The following MAP2K1 variants were observed in gnomAD, a reference collection of about 807,000 sequenced individuals.
The protein encoded by MAP2K1 is dual specificity mitogen-activated protein kinase kinase 1.
MAP2K1 carries 16 observed loss-of-function variants against 46.3 expected under a neutral mutation model. The observed-to-expected ratio is 0.35, with a 90% CI of 0.23 to 0.52. The LOEUF is 0.52. Ranked by LOEUF, MAP2K1 falls within the 20% of genes least tolerant of loss-of-function variation. The pLI is 0.94. For synonymous variants in MAP2K1, 183 were observed against 185.6 expected (o/e 0.99, Z 0.11); for missense variants, 263 against 497.1 (o/e 0.53, Z 4.48).
intron 6 of MAP2K1, among the ~76,000 whole-genome samples, chr15:66,483,771 G>A (rs1192652915): frequency 7.0e-5 from 9 of 128,512 alleles, no homozygotes; most frequent in Non-Finnish European, 1.4e-4. Flanking sequence ...TTTTTGAGAC[G>A]GAGTCTCACT....
chr15:66,401,637 GA>G (rs2093381894), intron 1 of MAP2K1, among the ~76,000 whole-genome samples: 1 of 152,024 alleles, frequency 6.6e-6, no homozygotes, highest in African/African-American at 2.4e-5. Context: ...CAAGAAGGAG[GA>G]AACAATGGCT....
intron 3 of MAP2K1, among the ~76,000 whole-genome samples, chr15:66,439,401 G>A (rs953910945): frequency 6.6e-6 from 1 of 152,226 alleles, no homozygotes; most frequent in South Asian, 2.1e-4. Flanking sequence ...GGAGGCTGAA[G>A]TGAGCGAATC....
At chr15:66,390,006 G>A (rs2140515134) in intron 1 of MAP2K1, among the ~76,000 whole-genome samples, 1 of 152,320 alleles carries the variant, frequency 6.6e-6, no homozygotes, top group East Asian at 1.9e-4. Context: ...TTCCAAAGCT[G>A]TTGGCTGCTG....
At chr15:66,432,853 G>A (rs1165065262) in intron 1 of MAP2K1, among the ~76,000 whole-genome samples, 1 of 152,118 alleles carries the variant, frequency 6.6e-6, no homozygotes, top group Non-Finnish European at 1.5e-5. Flanking sequence ...AGGGGTTGTG[G>A]ATTAAATGAC....
At chr15:66,394,011 C>G (rs1430724554) in intron 1 of MAP2K1, among the ~76,000 whole-genome samples, 1 of 152,170 alleles carries the variant, frequency 6.6e-6, no homozygotes, top group African/African-American at 2.4e-5. Context: ...TTCTGCCACC[C>G]CAAGTGTAAG....
intron 1 of MAP2K1, among the ~76,000 whole-genome samples, chr15:66,426,360 CAA>C (rs35788598): frequency 7.2e-6 from 1 of 138,504 alleles, no homozygotes. Flanking sequence ...ATCAAGAAGA[CAA>C]AAAAAAAAAA....
chr15:66,486,828 C>T (rs899772319), intron 7 of MAP2K1, among the ~76,000 whole-genome samples: 5 of 152,088 alleles, frequency 3.3e-5, no homozygotes, highest in African/African-American at 1.2e-4. Flanking sequence ...TGAGGCTCGC[C>T]AGTGACTCTA....
At chr15:66,490,133 A>G (rs1268370196) in intron 10 of MAP2K1, 8 of 511,464 alleles carry the variant, frequency 1.6e-5, no homozygotes, top group South Asian at 1.0e-4. Context: ...GGCAGTGGAA[A>G]TAGCTAAGTA....
At chr15:66,432,888 G>A (rs2093478209) in intron 1 of MAP2K1, among the ~76,000 whole-genome samples, 1 of 151,928 alleles carries the variant, frequency 6.6e-6, no homozygotes, top group Non-Finnish European at 1.5e-5. Context: ...GCACTGAGGA[G>A]AGTTACACAG....
At chr15:66,475,422 G>C (rs1892733256) in intron 5 of MAP2K1, among the ~76,000 whole-genome samples, 1 of 152,094 alleles carries the variant, frequency 6.6e-6, no homozygotes, top group East Asian at 1.9e-4. Flanking sequence ...CAAGAATCCA[G>C]CTTCCCTGTG....
chr15:66,423,462 A>G (rs2093448724), intron 1 of MAP2K1, among the ~76,000 whole-genome samples: 1 of 148,046 alleles, frequency 6.8e-6, no homozygotes, highest in Non-Finnish European at 1.5e-5. Context: ...TTTTTGAAAC[A>G]GAGTCTCACT....
intron 7 of MAP2K1, among the ~76,000 whole-genome samples, chr15:66,486,355 A>T (rs1307104112): frequency 6.6e-6 from 1 of 152,100 alleles, no homozygotes; most frequent in Admixed American, 6.5e-5. Context: ...GAACATTTTC[A>T]TTACCCCAGC....
In MAP2K1 at chr15:66,426,867, A is replaced by G. The variant is rs181761110; in HGVS notation, c.81-8160A>G. On this transcript the variant is annotated intron_variant, in intron 1 of 10. Transcript: ENST00000307102. The stretch of plus-strand genomic sequence containing the variant: ...CTAACATATCCTTCTGTAGTGTTAC[A>G]AGGATAGAACTCTCCAGGTAAATAC... Among the ~76,000 whole-genome samples the G allele has an allele frequency of 2.6e-5, 4 of 152,358 alleles. No homozygotes were observed. The East Asian group carries it at 7.7e-4, about 29-fold the overall frequency.
rs186398958 is a variant in MAP2K1, at chr15:66,422,867, C to T, written c.81-12160C>T. On this transcript the variant is annotated intron_variant, in intron 1 of 10. Transcript: ENST00000307102. ...AGACCCCAACTACATATATGTTAGA[C>T]GATTGGATCTTGTCCTACAACTCTT... Among the ~76,000 whole-genome samples, 23 of 152,192 alleles carry T rather than the reference C, an allele frequency of 1.5e-4. 1 individual carries two copies. Among genetic ancestry groups the T allele is most frequent in the Admixed American group, 1.2e-3 (18 of 15,272 alleles).
At chr15:66,400,966 G>T (rs1467511490) in intron 1 of MAP2K1, among the ~76,000 whole-genome samples, 1 of 152,138 alleles carries the variant, frequency 6.6e-6, no homozygotes, top group Non-Finnish European at 1.5e-5. Flanking sequence ...ACCTTCTAAA[G>T]AAAAAACCTA....
At chr15:66,479,894 T>A (rs1892872903) in intron 5 of MAP2K1, among the ~76,000 whole-genome samples, 1 of 151,864 alleles carries the variant, frequency 6.6e-6, no homozygotes, top group Non-Finnish European at 1.5e-5. Flanking sequence ...GATTTTTTTT[T>A]ATTATTTTTA....
chr15:66,428,662 C>T (rs563033365), intron 1 of MAP2K1, among the ~76,000 whole-genome samples: 6 of 152,016 alleles, frequency 3.9e-5, no homozygotes, highest in African/African-American at 9.7e-5. Flanking sequence ...CAAGTTGACA[C>T]GTAAAATTAA....
In MAP2K1 at chr15:66,490,620, T is replaced by G; in HGVS notation, c.*5T>G. On this transcript the variant is annotated 3_prime_UTR_variant, in exon 11 of 11. Transcript: ENST00000307102. Reference sequence around the variant, plus strand: ...ACCCATGCTGCTGGCGTCTAAGTGTTTGGGAAGCAACAAAGAGCGAGTCCC... The same window carrying G: ...ACCCATGCTGCTGGCGTCTAAGTGTGTGGGAAGCAACAAAGAGCGAGTCCC... 3 of 1,612,994 alleles carry G rather than the reference T, an allele frequency of 1.9e-6. No homozygotes were observed. The highest frequency in any genetic ancestry group is 1.1e-5 in the South Asian group (1 of 91,070).
chr15:66,440,888 C>T (rs909775733), intron 3 of MAP2K1, among the ~76,000 whole-genome samples: 4 of 152,118 alleles, frequency 2.6e-5, no homozygotes, highest in African/African-American at 7.2e-5. Flanking sequence ...GTAATTCCAT[C>T]GTTCACACTA....
Sources: allele counts gnomAD v4.1 joint callset (sites outside exome capture counted in the v4.1 genomes callset), GRCh38; gene constraint gnomAD v4.1.1; transcripts MANE v1.5; gene names NCBI Gene and HGNC (gene_info 2026-07-23, HGNC 2026-07-21).